LRRC8D: variants seen among roughly 807,000 people sequenced by gnomAD.
LRRC8D encodes leucine rich repeat containing 8 VRAC subunit D.
A neutral mutation model predicts 55.8 loss-of-function variants in LRRC8D; 20 were observed. The ratio of observed to expected loss-of-function variants is 0.36; its 90% confidence interval spans 0.25 to 0.52. The LOEUF is 0.52. Among genes scored for constraint, LRRC8D ranks in the 20% least tolerant of loss-of-function variants. The pLI, the probability that LRRC8D is intolerant of heterozygous loss-of-function variation, is 0.93. For synonymous variants in LRRC8D, 352 were observed against 377.0 expected (o/e 0.93, Z 0.77); for missense variants, 651 against 1,030.8 (o/e 0.63, Z 5.05).
At chr1:89,829,150 C>T (rs1660830471) in intron 1 of LRRC8D, among the ~76,000 whole-genome samples, 1 of 152,206 alleles carries the variant, frequency 6.6e-6, no homozygotes, top group Non-Finnish European at 1.5e-5. Context: ...ACTGAGTAGG[C>T]TTTTAAAATC....
intron 1 of LRRC8D, 98 bp from the exon 2 acceptor site, chr1:89,843,540 C>T: frequency 1.5e-6 from 1 of 674,082 alleles, no homozygotes; most frequent in South Asian, 1.5e-5. Context: ...CAAGCGGTGA[C>T]CCCCTGGTCT....
chr1:89,884,024 G>C (rs1320683125), intron 2 of LRRC8D, among the ~76,000 whole-genome samples: 1 of 152,270 alleles, frequency 6.6e-6, no homozygotes, highest in East Asian at 1.9e-4. Context: ...ATTCTTTGTA[G>C]GTAAAGTTTA....
At position 89,874,880 on chromosome 1, in the gene LRRC8D, T is replaced by C. The variant is rs139944073; in HGVS notation, c.-3+31098T>C. On this transcript the variant is annotated intron_variant, in intron 2 of 2. Transcript: ENST00000337338. ...TGAGAATGTTTATTCATAAATTCATTTAATTCTTAGTTCTACTGAGACTTT... is the reference window on the plus strand; with the variant it reads ...TGAGAATGTTTATTCATAAATTCATCTAATTCTTAGTTCTACTGAGACTTT... 2.6e-5 allele frequency among the ~76,000 whole-genome samples: 4 copies of C among 152,356 alleles called. No homozygotes were observed. The East Asian group carries it at 7.7e-4, about 29-fold the overall frequency.
chr1:89,935,669 A>G lies in LRRC8D; in HGVS notation c.*24A>G. Reference sequence around the variant, plus strand: ...AAACTAAGATAATATATGCACAGTGATGTGCAGGAACAACTTCCTAGATTG... The same window carrying G: ...AAACTAAGATAATATATGCACAGTGGTGTGCAGGAACAACTTCCTAGATTG... On this transcript the variant is annotated 3_prime_UTR_variant, in exon 3 of 3. Coordinates refer to ENST00000337338, the MANE Select transcript of LRRC8D (RefSeq NM_001134479.2). The G allele has an allele frequency of 6.3e-7, 1 of 1,586,096 alleles. No individual in the cohort carries two copies. Among genetic ancestry groups the G allele is most frequent in the Non-Finnish European group, 8.6e-7 (1 of 1,158,094 alleles).
At chr1:89,845,777 CTT>C (rs146264330) in intron 2 of LRRC8D, among the ~76,000 whole-genome samples, 1 of 146,396 alleles carries the variant, frequency 6.8e-6, no homozygotes. Flanking sequence ...TTTGCAGCTA[CTT>C]TTTTTTTTTT....
chr1:89,882,603 G>A (rs986425121), intron 2 of LRRC8D, among the ~76,000 whole-genome samples: 1 of 152,100 alleles, frequency 6.6e-6, no homozygotes. Context: ...AGCATATCCC[G>A]CTATTTAAAT....
At chr1:89,854,422 G>A (rs553016645) in intron 2 of LRRC8D, among the ~76,000 whole-genome samples, 73 of 152,018 alleles carry the variant, frequency 4.8e-4, no homozygotes, top group African/African-American at 1.7e-3. Flanking sequence ...AATATGAATA[G>A]CATGAATGAC....
chr1:89,837,587 C>G (rs2154323), intron 1 of LRRC8D, among the ~76,000 whole-genome samples: 148,031 of 152,342 alleles, frequency 0.97, 72,051 homozygotes, highest in Middle Eastern at 1. Flanking sequence ...GTCCATGTCT[C>G]TTTTCTCATC....
intron 2 of LRRC8D, among the ~76,000 whole-genome samples, chr1:89,901,960 T>C (rs1260104836): frequency 1.3e-5 from 2 of 152,346 alleles, no homozygotes; most frequent in East Asian, 3.9e-4. Context: ...TGCTCTACCC[T>C]TTTCTCTGTA....
intron 2 of LRRC8D, among the ~76,000 whole-genome samples, chr1:89,902,935 C>T (rs1034374818): frequency 2.6e-5 from 4 of 152,182 alleles, no homozygotes; most frequent in Non-Finnish European, 4.4e-5. Context: ...TGGTTAATCC[C>T]ATGTCATTGC....
At chr1:89,824,169 T>C in intron 1 of LRRC8D, among the ~76,000 whole-genome samples, 1 of 152,160 alleles carries the variant, frequency 6.6e-6, no homozygotes, top group Non-Finnish European at 1.5e-5. Context: ...CCCTTCCTCC[T>C]AAACAAAGAA....
At chr1:89,871,281 C>G (rs1469019022) in intron 2 of LRRC8D, among the ~76,000 whole-genome samples, 1 of 152,164 alleles carries the variant, frequency 6.6e-6, no homozygotes, top group Non-Finnish European at 1.5e-5. Context: ...GGCAATGTAA[C>G]AAAGTTTGTA....
chr1:89,882,965 T>G (rs771929739), intron 2 of LRRC8D, among the ~76,000 whole-genome samples: 1 of 152,150 alleles, frequency 6.6e-6, no homozygotes, highest in Non-Finnish European at 1.5e-5. Context: ...CGAGGGCAGA[T>G]AGTGGATGGG....
At chr1:89,899,767 G>A (rs1015235993) in intron 2 of LRRC8D, among the ~76,000 whole-genome samples, 4 of 152,192 alleles carry the variant, frequency 2.6e-5, no homozygotes, top group Non-Finnish European at 5.9e-5. Flanking sequence ...ATCTAGTCTG[G>A]GAGCTAGAGG....
rs150250132 is a variant in LRRC8D at position 89,935,073 on chromosome 1, A to G, written c.2005A>G (p.Asn669Asp). Residue 669 changes from asparagine to aspartate, a missense_variant, in exon 3 of 3, where the codon AAC becomes GAC. Physicochemically the swap from Asn to Asp is conservative, Grantham distance 23. Around this residue, in one of 5 missense-constraint regions of LRRC8D, gnomAD observed 338 missense variants for 479.4 expected, o/e 0.71. Coordinates refer to ENST00000337338, the MANE Select transcript of LRRC8D (RefSeq NM_001134479.2). ...ACAGGAACTGGATTTAAAGTCCAAT[A>G]ACATTCGCACAATTGAGGAAATCAT... ...NLQELDLKSN[N>D]IRTIEEIISF... 6.8e-6 allele frequency: 11 copies of G among 1,614,092 alleles called. No homozygotes were observed. Among genetic ancestry groups the G allele is most frequent in the Non-Finnish European group, 7.6e-6 (9 of 1,180,032 alleles).
At chr1:89,851,020 G>A (rs892326139) in intron 2 of LRRC8D, among the ~76,000 whole-genome samples, 5 of 150,548 alleles carry the variant, frequency 3.3e-5, no homozygotes, top group Admixed American at 3.3e-4. Flanking sequence ...TCCTTACTTG[G>A]TAACATAATT....
Position 89,911,274 on chromosome 1 carries a change from C to T in LRRC8D, c.-2-21793C>T, listed in dbSNP as rs766353356. ...AAAAGAACCTTTTAAAATTTTATGA[C>T]GGGATAAGCAATATGGTGGTTAGCA... On this transcript the variant is annotated intron_variant, in intron 2 of 2. Transcript: ENST00000337338. The surrounding 1 kb of genome is among the most constrained non-coding windows in gnomAD (Gnocchi z 4.0). Among the ~76,000 whole-genome samples, 7 of 151,274 alleles carry T rather than the reference C, an allele frequency of 4.6e-5. No homozygotes were observed. The highest frequency in any genetic ancestry group is 2.1e-4 in the South Asian group (1 of 4,804).
intron 2 of LRRC8D, among the ~76,000 whole-genome samples, chr1:89,871,715 C>G (rs189018829): frequency 1.3e-5 from 2 of 152,082 alleles, no homozygotes; most frequent in African/African-American, 4.8e-5. Flanking sequence ...TAAAACTGTT[C>G]GGTGATTTAC....
In LRRC8D at chr1:89,935,588, C is replaced by G. The variant is rs771164715; in HGVS notation, c.2520C>G (p.Leu840=). Residue 840 remains leucine (L), a synonymous_variant, in exon 3 of 3, where the codon CTC becomes CTG. Coordinates refer to ENST00000337338, the MANE Select transcript of LRRC8D (RefSeq NM_001134479.2). ...VEDHLFDTLP[L]EVKEALNQDI... Reference sequence around the variant, plus strand: ...ATCACCTTTTTGATACCCTGCCACTCGAAGTCAAAGAGGCATTGAATCAAG... The same window carrying G: ...ATCACCTTTTTGATACCCTGCCACTGGAAGTCAAAGAGGCATTGAATCAAG... 1.9e-6 allele frequency: 3 copies of G among 1,614,048 alleles called. No homozygotes were observed. The highest frequency in any genetic ancestry group is 2.5e-6 in the Non-Finnish European group (3 of 1,180,022).
Sources: allele counts gnomAD v4.1 joint callset (sites outside exome capture counted in the v4.1 genomes callset), GRCh38; gene constraint gnomAD v4.1.1; regional missense constraint gnomAD v4.1.1; non-coding constraint Gnocchi (gnomAD v3.1); transcripts MANE v1.5; gene names NCBI Gene and HGNC (gene_info 2026-07-23, HGNC 2026-07-21).